Variants in MSH3 observed in about 807,000 individuals in gnomAD.
MSH3 encodes the protein DNA mismatch repair protein Msh3.
Under a neutral mutation model 123.3 loss-of-function variants are expected in MSH3, and 106 were observed. That is an observed-to-expected ratio of 0.86 (90% CI 0.73 to 1.01). The LOEUF (loss-of-function observed/expected upper bound fraction) is 1.01, where lower values mean the gene tolerates loss of function less well. Among genes scored for constraint, MSH3 ranks in the 50% least tolerant of loss-of-function variants. The pLI is 0.00. For synonymous variants in MSH3, 515 were observed against 481.4 expected (o/e 1.07, Z -0.91); for missense variants, 1,459 against 1,347.6 (o/e 1.08, Z -1.29).
intron 8 of MSH3, among the ~76,000 whole-genome samples, chr5:80,698,001 A>G (rs1334985362): frequency 6.6e-6 from 1 of 151,990 alleles, no homozygotes; most frequent in Non-Finnish European, 1.5e-5. Flanking sequence ...TTGACCCCCC[A>G]GGCTCAAGCA....
chr5:80,839,298 G>T (rs1745572783), intron 20 of MSH3, among the ~76,000 whole-genome samples: 1 of 152,168 alleles, frequency 6.6e-6, no homozygotes. Flanking sequence ...AACCCTGGAG[G>T]TGAAGGTTAC....
intron 20 of MSH3, among the ~76,000 whole-genome samples, chr5:80,849,851 A>G (rs1228614240): frequency 6.6e-6 from 1 of 152,082 alleles, no homozygotes; most frequent in Non-Finnish European, 1.5e-5. Flanking sequence ...TTTTAATGCA[A>G]ATTTCTGCAC....
intron 2 of MSH3, among the ~76,000 whole-genome samples, chr5:80,656,881 G>A (rs1749304593): frequency 6.6e-6 from 1 of 152,142 alleles, no homozygotes; most frequent in African/African-American, 2.4e-5. Flanking sequence ...CCCTCCCTTT[G>A]AGTGAGGCCC....
intron 21 of MSH3, among the ~76,000 whole-genome samples, chr5:80,857,140 A>G (rs1325491413): frequency 1.3e-5 from 2 of 152,204 alleles, no homozygotes; most frequent in African/African-American, 4.8e-5. Context: ...CTTTCTGTGC[A>G]TCTATTGATA....
intron 8 of MSH3, among the ~76,000 whole-genome samples, chr5:80,701,125 TA>T (rs1405650165): frequency 6.6e-6 from 1 of 152,136 alleles, no homozygotes; most frequent in Non-Finnish European, 1.5e-5. Flanking sequence ...ATTAGCATCT[TA>T]AAAAAATCCT....
At chr5:80,846,535 G>T (rs1264512890) in intron 20 of MSH3, among the ~76,000 whole-genome samples, 1 of 152,252 alleles carries the variant, frequency 6.6e-6, no homozygotes, top group Non-Finnish European at 1.5e-5. Flanking sequence ...GAGGCAGTAG[G>T]CCTTGCTGAA....
Position 80,813,622 on chromosome 5 carries a change from CAT to C in MSH3, c.2695_2696del (p.Met899GlyfsTer48), listed in dbSNP as rs1204002507. 2.5e-6 allele frequency: 4 copies of C among 1,613,974 alleles called. No homozygotes were observed. The highest frequency in any genetic ancestry group is 1.6e-4 in the Middle Eastern group (1 of 6,084). ...ERVMIITGPN[M>X]GGKSSYIKQV... ...GAGTAATGATAATTACCGGACCAAA[CAT>C]GGGTGGAAAGAGCTCCTACATAAAA... On this transcript the variant is annotated frameshift_variant, in exon 20 of 24. Coordinates refer to ENST00000265081, the MANE Select transcript of MSH3 (RefSeq NM_002439.5). LOFTEE classifies it high-confidence loss of function.
chr5:80,819,645 C>A (rs1329860347), intron 20 of MSH3, among the ~76,000 whole-genome samples: 1 of 151,808 alleles, frequency 6.6e-6, no homozygotes, highest in African/African-American at 2.4e-5. Flanking sequence ...CACCACCACA[C>A]CCAGCTAATT....
intron 13 of MSH3, 71 bp downstream of exon 13, chr5:80,761,749 A>T: frequency 6.6e-7 from 1 of 1,519,926 alleles, no homozygotes; most frequent in South Asian, 1.1e-5. Flanking sequence ...TTAAAAGAAA[A>T]CTTTTGAGAG....
intron 23 of MSH3, among the ~76,000 whole-genome samples, chr5:80,874,534 G>T (rs1746273919): frequency 1.3e-5 from 2 of 151,910 alleles, no homozygotes; most frequent in Non-Finnish European, 2.9e-5. Flanking sequence ...AATAAACTTA[G>T]CCCTCTTCCT....
intron 20 of MSH3, among the ~76,000 whole-genome samples, chr5:80,826,753 T>G (rs1295969304): frequency 6.6e-6 from 1 of 152,066 alleles, no homozygotes; most frequent in Non-Finnish European, 1.5e-5. Flanking sequence ...TTCACCACAT[T>G]GGGCAAGCTG....
At chr5:80,740,975 C>T (rs1416330770) in intron 10 of MSH3, among the ~76,000 whole-genome samples, 1 of 152,098 alleles carries the variant, frequency 6.6e-6, no homozygotes, top group African/African-American at 2.4e-5. Flanking sequence ...CTCAGCCTCC[C>T]AAAGTGCTGG....
chr5:80,792,642 CAG>C lies in MSH3; in HGVS notation c.2544-88_2544-87del, dbSNP rs3830224. The C allele has an allele frequency of 0.37, 271,529 of 743,748 alleles. 50,989 individuals carry two copies. The highest frequency in any genetic ancestry group is 0.42 in the South Asian group (26,586 of 63,876). The allele number at this position is 743,748 out of a possible 1,614,324, so 46.1% of individuals were successfully genotyped here. The stretch of plus-strand genomic sequence containing the variant: ...AAAGTTTTGTTTTCTGTCGTACAAA[CAG>C]AGTACTGAAATTTTTCATGCTATCT... On this transcript the variant is annotated intron_variant, in intron 18 of 23. Coordinates refer to ENST00000265081, the MANE Select transcript of MSH3 (RefSeq NM_002439.5).
intron 20 of MSH3, among the ~76,000 whole-genome samples, chr5:80,835,381 C>T (rs917221091): frequency 4.6e-5 from 7 of 151,966 alleles, no homozygotes; most frequent in African/African-American, 1.5e-4. Flanking sequence ...AATCTCAAAG[C>T]GAGGCAGGCT....
intron 20 of MSH3, among the ~76,000 whole-genome samples, chr5:80,817,576 AATT>A (rs1452496559): frequency 1.3e-4 from 20 of 152,276 alleles, no homozygotes; most frequent in Admixed American, 9.2e-4. Context: ...TAAATAAATT[AATT>A]AATTAATCAC....
At chr5:80,768,555 C>T (rs1744163809) in intron 14 of MSH3, among the ~76,000 whole-genome samples, 1 of 152,082 alleles carries the variant, frequency 6.6e-6, no homozygotes, top group Non-Finnish European at 1.5e-5. Flanking sequence ...TAGGATTTGA[C>T]ATTTACGTTT....
Position 80,768,011 on chromosome 5 carries a change from G to A in MSH3, c.1975G>A (p.Val659Ile). 2 of 1,613,572 alleles carry A rather than the reference G, an allele frequency of 1.2e-6. No homozygotes were observed. Among genetic ancestry groups the A allele is most frequent in the Non-Finnish European group, 1.7e-6 (2 of 1,179,616 alleles). Residue 659 changes from valine to isoleucine, a missense_variant, in exon 14 of 24, where the codon GTT becomes ATT. Coordinates refer to ENST00000265081, the MANE Select transcript of MSH3 (RefSeq NM_002439.5). The part of the protein sequence containing the change: ...KSEFQAIIPA[V>I]NSHIQSDLLR... ...AGAATTTCAAGCAATAATACCTGCT[G>A]TTAATTCCCACATTCAGTCAGACTT...
intron 12 of MSH3, among the ~76,000 whole-genome samples, chr5:80,753,166 C>T (rs1278685718): frequency 6.6e-6 from 1 of 152,154 alleles, no homozygotes; most frequent in African/African-American, 2.4e-5. Context: ...GACCCATGCA[C>T]ATCTGTCTAG....
intron 14 of MSH3, 61 bp downstream of exon 14, chr5:80,768,181 A>T: frequency 7.0e-7 from 1 of 1,430,236 alleles, no homozygotes. Context: ...TGCATTTGCC[A>T]TTTATTTGTG....
Sources: allele counts gnomAD v4.1 joint callset (sites outside exome capture counted in the v4.1 genomes callset), GRCh38; gene constraint gnomAD v4.1.1; transcripts MANE v1.5; gene names NCBI Gene and HGNC (gene_info 2026-07-23, HGNC 2026-07-21).